ABCA13: variants seen among roughly 807,000 people sequenced by gnomAD.
The protein encoded by ABCA13 is ATP binding cassette subfamily A member 13.
A neutral mutation model predicts 478.7 loss-of-function variants in ABCA13; 476 were observed. That is an observed-to-expected ratio of 0.99 (90% CI 0.92 to 1.07). ABCA13 has a LOEUF of 1.07. Among genes scored for constraint, ABCA13 ranks in the 50% least tolerant of loss-of-function variants. ABCA13 has a pLI of 0.00. For missense variants in ABCA13, 6,060 were observed against 5,910.6 expected (o/e 1.03, Z -0.83); for synonymous variants, 2,252 against 2,158.9 (o/e 1.04, Z -1.20).
At chr7:48,450,070 C>G (rs909408428) in intron 42 of ABCA13, among the ~76,000 whole-genome samples, 2 of 152,200 alleles carry the variant, frequency 1.3e-5, no homozygotes, top group African/African-American at 4.8e-5. Context: ...CGAAACCCTT[C>G]TTCAAATAGA....
rs1314843831 is a variant in ABCA13, at chr7:48,537,290, A to T, written c.14354+8945A>T. ...TAAAATAAAAAATCAAATTATGAGG[A>T]CTACCAATATGCTTTTTGTACAGCT... On this transcript the variant is annotated intron_variant, in intron 55 of 61. Coordinates refer to ENST00000435803, the MANE Select transcript of ABCA13 (RefSeq NM_152701.5). Among the ~76,000 whole-genome samples, 3 of 152,160 alleles carry T rather than the reference A, an allele frequency of 2.0e-5. No homozygotes were observed. In the East Asian group the frequency reaches 5.8e-4, roughly 29 times the overall value.
In ABCA13 at chr7:48,239,297, A is replaced by G; in HGVS notation, c.954A>G (p.Ser318=). ...TGTGTTCAGTCTTGTCTAGCACATC[A>G]GAGGATGAAGCTGAGAAATGGGGCC... ...KMVCSVLSST[S]EDEAEKWGHV... The change falls in exon 9 of 62, where the codon TCA becomes TCG. Residue 318 remains serine (S), a synonymous_variant. Transcript: ENST00000435803. 1.2e-6 allele frequency: 2 copies of G among 1,613,998 alleles called. No individual in the cohort carries two copies. The highest frequency in any genetic ancestry group is 1.7e-6 in the Non-Finnish European group (2 of 1,179,872).
chr7:48,247,200 T>C (rs1791826116), intron 13 of ABCA13, among the ~76,000 whole-genome samples: 1 of 151,952 alleles, frequency 6.6e-6, no homozygotes, highest in African/African-American at 2.4e-5. Flanking sequence ...ATCACACCAT[T>C]GCACTCCAGC....
chr7:48,485,059 T>C (rs539688948), intron 47 of ABCA13, among the ~76,000 whole-genome samples: 1 of 152,352 alleles, frequency 6.6e-6, no homozygotes, highest in African/African-American at 2.4e-5. Context: ...GTCTCTTGTG[T>C]GACCTTTATG....
chr7:48,429,442 T>C (rs1821852758), intron 42 of ABCA13, among the ~76,000 whole-genome samples: 1 of 152,230 alleles, frequency 6.6e-6, no homozygotes, highest in Non-Finnish European at 1.5e-5. Context: ...TATTATCTGC[T>C]GTTTTGATTA....
chr7:48,278,876 T>C lies in ABCA13; in HGVS notation c.7682T>C (p.Ile2561Thr), dbSNP rs1796644344. 1.2e-6 allele frequency: 2 copies of C among 1,613,432 alleles called. No individual in the cohort carries two copies. Among genetic ancestry groups the C allele is most frequent in the Non-Finnish European group, 1.7e-6 (2 of 1,179,862 alleles). ...SVKFFDTLYSIMQQSVQNLVK... is the reference protein window; with the variant it reads ...SVKFFDTLYSTMQQSVQNLVK... ...AAATTCTTTGACACTCTGTATTCCA[T>C]CATGCAACAAAGTGTTCAAAATCTT... The change falls in exon 18 of 62, where the codon ATC (isoleucine) becomes ACC (threonine). Residue 2561 changes from isoleucine to threonine, a missense_variant. Transcript: ENST00000435803.
intron 48 of ABCA13, among the ~76,000 whole-genome samples, chr7:48,497,071 T>C (rs1426917917): frequency 1.3e-5 from 2 of 152,210 alleles, no homozygotes; most frequent in East Asian, 1.9e-4. Context: ...GTAATAAGAT[T>C]ATTAGCTCTT....
intron 3 of ABCA13, among the ~76,000 whole-genome samples, chr7:48,208,146 T>A (rs1785166587): frequency 1.3e-5 from 2 of 152,228 alleles, no homozygotes; most frequent in South Asian, 2.1e-4. Context: ...GTTCCATTGG[T>A]CTATGTGTCT....
At chr7:48,295,192 G>A (rs906710938) in intron 20 of ABCA13, among the ~76,000 whole-genome samples, 6 of 152,072 alleles carry the variant, frequency 3.9e-5, no homozygotes, top group Non-Finnish European at 7.4e-5. Context: ...ACCAACACTC[G>A]TTATTTCTTG....
rs747844367 is a variant in ABCA13 at position 48,239,388 on chromosome 7, C to A, written c.1045C>A (p.Leu349Met). 1.9e-6 allele frequency: 3 copies of A among 1,613,088 alleles called. No homozygotes were observed. Among genetic ancestry groups the A allele is most frequent in the Non-Finnish European group, 1.7e-6 (2 of 1,179,376 alleles). ...CTATCTTGTCCATGCAGTCAGCTGG[C>A]TGCGAGTCTACCAACAGGTGCTGTC... Reference protein sequence around the residue: ...KNYLVHAVSWLRVYQQVFVQW... With the variant: ...KNYLVHAVSWMRVYQQVFVQW... Residue 349 changes from leucine (L) to methionine (M), a missense_variant, in exon 9 of 62, where the codon CTG becomes ATG. Coordinates refer to ENST00000435803, the MANE Select transcript of ABCA13 (RefSeq NM_152701.5).
At chr7:48,517,450 G>A (rs969035933) in intron 52 of ABCA13, among the ~76,000 whole-genome samples, 2 of 152,188 alleles carry the variant, frequency 1.3e-5, no homozygotes. Context: ...TGGTCAGGAA[G>A]AACTTCTCCT....
chr7:48,446,036 C>T (rs1824254875), intron 42 of ABCA13, among the ~76,000 whole-genome samples: 1 of 152,074 alleles, frequency 6.6e-6, no homozygotes, highest in Admixed American at 6.5e-5. Flanking sequence ...ACTGATGTGG[C>T]CAACTGATGT....
intron 27 of ABCA13, among the ~76,000 whole-genome samples, chr7:48,330,583 A>C (rs1196337980): frequency 6.6e-6 from 1 of 151,072 alleles, no homozygotes; most frequent in Non-Finnish European, 1.5e-5. Flanking sequence ...CCATCCATCC[A>C]TTCATTCATG....
chr7:48,559,546 A>G (rs1406522395), intron 55 of ABCA13, among the ~76,000 whole-genome samples: 3 of 152,126 alleles, frequency 2.0e-5, no homozygotes, highest in South Asian at 2.1e-4. Context: ...GAGCTGGTAC[A>G]TAAGATTCAA....
At chr7:48,485,920 C>T (rs1306321504) in intron 47 of ABCA13, among the ~76,000 whole-genome samples, 2 of 152,184 alleles carry the variant, frequency 1.3e-5, no homozygotes, top group South Asian at 4.1e-4. Context: ...CCATTGCCCT[C>T]CATAGCTATG....
intron 43 of ABCA13, among the ~76,000 whole-genome samples, chr7:48,458,199 C>T (rs892374569): frequency 2.6e-5 from 4 of 152,186 alleles, no homozygotes; most frequent in African/African-American, 7.2e-5. Flanking sequence ...GCCATTCCTT[C>T]GTTATTGAAT....
chr7:48,424,573 A>G (rs1821164036), intron 41 of ABCA13, among the ~76,000 whole-genome samples: 1 of 152,220 alleles, frequency 6.6e-6, no homozygotes. Context: ...ACAACAACTT[A>G]CTGATGACGC....
At chr7:48,258,567 T>G (rs967526997) in intron 15 of ABCA13, among the ~76,000 whole-genome samples, 1 of 152,162 alleles carries the variant, frequency 6.6e-6, no homozygotes, top group Non-Finnish European at 1.5e-5. Context: ...GTATGTTTTT[T>G]TGTGTGTGTG....
At chr7:48,243,507 A>T (rs1383780701) in intron 10 of ABCA13, among the ~76,000 whole-genome samples, 1 of 152,198 alleles carries the variant, frequency 6.6e-6, no homozygotes, top group Non-Finnish European at 1.5e-5. Context: ...TGTGGCTCTG[A>T]TGGAGCAATT....
Sources: gnomAD v4.1 joint callset for allele counts (sites outside exome capture counted in the v4.1 genomes callset) on GRCh38, gnomAD v4.1.1 for gene constraint, MANE v1.5 for transcripts, NCBI Gene and HGNC (gene_info 2026-07-23, HGNC 2026-07-21) for gene names.